Variants in GLI3 observed in about 807,000 individuals in gnomAD.
GLI3 encodes transcription activator GLI3.
Under a neutral mutation model 100.8 loss-of-function variants are expected in GLI3, and 20 were observed. That is an observed-to-expected ratio of 0.20 (90% CI 0.14 to 0.29). The LOEUF is 0.29. Among genes scored for constraint, GLI3 ranks in the 10% least tolerant of loss-of-function variants. The probability of loss-of-function intolerance (pLI) is 1.00; values close to 1 mark genes in which losing one functional copy is unlikely to be tolerated. For missense variants in GLI3, 2,040 were observed against 2,128.5 expected (o/e 0.96, Z 0.82); for synonymous variants, 938 against 860.5 (o/e 1.09, Z -1.58).
At chr7:41,989,267 C>T (rs117061643) in intron 10 of GLI3, among the ~76,000 whole-genome samples, 3 of 152,236 alleles carry the variant, frequency 2.0e-5, no homozygotes, top group East Asian at 1.9e-4. Flanking sequence ...AGTCATGGAA[C>T]GAAATTATTT....
chr7:42,048,736 G>C (rs748719116), intron 4 of GLI3, 40 bp from the exon 5 acceptor site: 22 of 1,265,892 alleles, frequency 1.7e-5, no homozygotes, highest in Non-Finnish European at 2.4e-5. Flanking sequence ...GTATGCATGA[G>C]ACAAATATCT....
chr7:42,021,998 C>T, intron 10 of GLI3, among the ~76,000 whole-genome samples: 1 of 152,162 alleles, frequency 6.6e-6, no homozygotes, highest in East Asian at 1.9e-4. Flanking sequence ...GCCATTAAGT[C>T]AGGCTTGGCT....
At chr7:42,250,388 AGAG>A (rs1269966106) in intron 1 of GLI3, among the ~76,000 whole-genome samples, 1 of 152,242 alleles carries the variant, frequency 6.6e-6, no homozygotes, top group African/African-American at 2.4e-5. Context: ...GGCAAGAAGA[AGAG>A]AACTTTGACC....
At chr7:41,969,373 TG>T (rs1787308740) in intron 13 of GLI3, among the ~76,000 whole-genome samples, 1 of 152,184 alleles carries the variant, frequency 6.6e-6, no homozygotes, top group Admixed American at 6.5e-5. Flanking sequence ...TCAGGTGGAA[TG>T]CACAGTGCCA....
chr7:42,235,250 T>C (rs1046439145), intron 1 of GLI3, among the ~76,000 whole-genome samples: 1 of 152,220 alleles, frequency 6.6e-6, no homozygotes, highest in African/African-American at 2.4e-5. Context: ...AAGGCACCTA[T>C]TCAAAATTAC....
intron 1 of GLI3, among the ~76,000 whole-genome samples, chr7:42,257,259 C>A (rs189427318): frequency 2.0e-3 from 294 of 148,686 alleles, no homozygotes; most frequent in African/African-American, 6.5e-3. Flanking sequence ...CTTTTTCTTT[C>A]TTTTTTTTTC....
At chr7:42,240,980 A>G (rs1376165474), upstream of GLI3, among the ~76,000 whole-genome samples, 1 of 152,192 alleles carries the variant, frequency 6.6e-6, no homozygotes, top group Non-Finnish European at 1.5e-5. Flanking sequence ...CCAGTTAATT[A>G]TTGGAAAATT....
chr7:42,238,042 T>TCCTCCG, upstream of GLI3, among the ~76,000 whole-genome samples: 1 of 130,394 alleles, frequency 7.7e-6, no homozygotes, highest in Non-Finnish European at 1.6e-5. Context: ...CTCCTCCTCC[T>TCCTCCG]CCTCCGCCCC....
At chr7:42,113,642 A>T in intron 3 of GLI3, 1 of 899,594 alleles carries the variant, frequency 1.1e-6, no homozygotes, top group Non-Finnish European at 1.8e-6. Context: ...CATTTTTGAT[A>T]ACTGTGTACT....
At chr7:42,120,286 T>C (rs751972817) in intron 3 of GLI3, among the ~76,000 whole-genome samples, 1 of 152,208 alleles carries the variant, frequency 6.6e-6, no homozygotes, top group Non-Finnish European at 1.5e-5. Flanking sequence ...CGAACTCTGA[T>C]TGGGCTGATT....
chr7:41,990,643 G>A (rs921379670), intron 10 of GLI3, among the ~76,000 whole-genome samples: 5 of 152,170 alleles, frequency 3.3e-5, no homozygotes, highest in Non-Finnish European at 5.9e-5. Context: ...TAGATTTGGA[G>A]AGAGTATTTT....
Position 42,026,237 on chromosome 7 carries a change from G to C in GLI3, c.1204C>G (p.Pro402Ala), listed in dbSNP as rs375510848. ...PIPGIPTVLN[P>A]VQVSSGPSES... ...GAAGGGCCGGAGCTGACCTGGACGG[G>C]GTTCAGAACCGTAGGGATCCCTGGA... The change falls in exon 8 of 15, where the codon CCC becomes GCC. Residue 402 changes from proline (P) to alanine (A), a missense_variant. Pro to Ala is a conservative substitution (Grantham distance 27). This residue lies in a region of GLI3 where 603 missense variants were observed against 690.9 expected (regional missense o/e 0.87). Coordinates refer to ENST00000395925, the MANE Select transcript of GLI3 (RefSeq NM_000168.6). 15 of 1,613,750 alleles carry C rather than the reference G, an allele frequency of 9.3e-6. No homozygotes were observed. Among genetic ancestry groups the C allele is most frequent in the African/African-American group, 1.3e-5 (1 of 74,894 alleles).
At chr7:42,070,631 C>T (rs914985829) in intron 4 of GLI3, among the ~76,000 whole-genome samples, 1 of 152,160 alleles carries the variant, frequency 6.6e-6, no homozygotes, top group Non-Finnish European at 1.5e-5. Flanking sequence ...AATATTATGA[C>T]TACATAAAGT....
intron 2 of GLI3, among the ~76,000 whole-genome samples, chr7:42,221,135 C>A (rs568839815): frequency 4.6e-5 from 7 of 152,316 alleles, no homozygotes; most frequent in African/African-American, 1.4e-4. Context: ...AGTTTTATCT[C>A]GTGGCTTTCT....
intron 3 of GLI3, among the ~76,000 whole-genome samples, chr7:42,133,598 T>C (rs1237704668): frequency 2.7e-5 from 4 of 146,936 alleles, no homozygotes; most frequent in Non-Finnish European, 4.5e-5. Context: ...CTCTGCATAA[T>C]AGAGTTTCTA....
Position 42,103,001 on chromosome 7 carries a change from T to C in GLI3, c.368-26144A>G, listed in dbSNP as rs556889670. ...TGACCTTCCATGTAGCAGGTGAAAA[T>C]AGTGAACATGTACTAACTCACACTT... On this transcript the variant is annotated intron_variant, in intron 3 of 14. Transcript: ENST00000395925. 2.4e-4 allele frequency among the ~76,000 whole-genome samples: 37 copies of C among 152,274 alleles called. 1 individual carries two copies. The South Asian group carries it at 7.5e-3, about 31-fold the overall frequency.
At chr7:42,007,121 G>A (rs980502781) in intron 10 of GLI3, among the ~76,000 whole-genome samples, 3 of 150,918 alleles carry the variant, frequency 2.0e-5, no homozygotes, top group African/African-American at 7.3e-5. Flanking sequence ...GAAAATGAAG[G>A]GCCAGTTGAC....
intron 2 of GLI3, among the ~76,000 whole-genome samples, chr7:42,177,754 G>A (rs549888705): frequency 3.9e-5 from 6 of 152,292 alleles, no homozygotes; most frequent in African/African-American, 9.6e-5. Flanking sequence ...TTAATAGAGC[G>A]AAGCTGATGC....
chr7:42,074,195 A>C (rs1401369636), intron 4 of GLI3, among the ~76,000 whole-genome samples: 2 of 152,208 alleles, frequency 1.3e-5, no homozygotes, highest in African/African-American at 4.8e-5. Flanking sequence ...TATTTCATTG[A>C]ACTCTCCCTG....
Sources: allele counts gnomAD v4.1 joint callset (sites outside exome capture counted in the v4.1 genomes callset), GRCh38; gene constraint gnomAD v4.1.1; regional missense constraint gnomAD v4.1.1; transcripts MANE v1.5; gene names NCBI Gene and HGNC (gene_info 2026-07-23, HGNC 2026-07-21).